PLAAT3: variants seen among roughly 807,000 people sequenced by gnomAD.
PLAAT3 encodes the protein Ca-independent phospholipase A1/2.
In PLAAT3, 21 loss-of-function variants were observed where a neutral mutation model predicts 16.7. The observed-to-expected ratio is 1.26, with a 90% CI of 0.89 to 1.81. PLAAT3 has a LOEUF of 1.81. Ranked by LOEUF, PLAAT3 falls within the 40% of genes most tolerant of loss-of-function variation. The pLI is 0.00. For synonymous variants in PLAAT3, 76 were observed against 81.7 expected (o/e 0.93, Z 0.38); for missense variants, 219 against 213.7 (o/e 1.02, Z -0.16).
At chr11:63,606,287 T>A (rs1476443479) in intron 2 of PLAAT3, among the ~76,000 whole-genome samples, 1 of 151,962 alleles carries the variant, frequency 6.6e-6, no homozygotes, top group Non-Finnish European at 1.5e-5. Flanking sequence ...AAAAGGTTTT[T>A]AAAAAAATAC....
upstream of PLAAT3, among the ~76,000 whole-genome samples, chr11:63,615,138 G>A (rs1232930416): frequency 3.6e-4 from 28 of 76,846 alleles, 2 homozygotes; most frequent in African/African-American, 1.2e-3. Context: ...ATATGTATAT[G>A]TGTATATGTG....
At chr11:63,610,849 C>T (rs1003508249) in intron 2 of PLAAT3, among the ~76,000 whole-genome samples, 2 of 152,028 alleles carry the variant, frequency 1.3e-5, no homozygotes, top group Non-Finnish European at 2.9e-5. Context: ...AAAGGCTCCC[C>T]GCCCACTCAT....
chr11:63,592,079 T>C (rs367643021), intron 3 of PLAAT3, among the ~76,000 whole-genome samples: 2 of 152,214 alleles, frequency 1.3e-5, no homozygotes, highest in South Asian at 4.1e-4. Context: ...GGTCTGGACC[T>C]GTCACTTCAC....
rs981283061 is a variant in PLAAT3, at chr11:63,598,084, T to C, written c.95A>G (p.Tyr32Cys). ...ACTTGGAGGGGCCAGATGAACCACA[T>C]ATCCATCGCCAACATAGATGGCCCA... ...RHWAIYVGDGYVVHLAPPSEV... is the reference protein window; with the variant it reads ...RHWAIYVGDGCVVHLAPPSEV... Residue 32 changes from tyrosine to cysteine, a missense_variant, in exon 3 of 5, where the codon TAT becomes TGT. By Grantham distance (194) the Tyr-to-Cys change is radical. Coordinates refer to ENST00000415826, the MANE Select transcript of PLAAT3 (RefSeq NM_001128203.2). The C allele has an allele frequency of 6.2e-7, 1 of 1,612,806 alleles. No homozygotes were observed. The highest frequency in any genetic ancestry group is 1.3e-5 in the African/African-American group (1 of 75,016).
intron 4 of PLAAT3, among the ~76,000 whole-genome samples, 187 bp downstream of exon 4, chr11:63,589,913 T>C (rs945147983): frequency 7.7e-6 from 1 of 129,044 alleles, no homozygotes; most frequent in Non-Finnish European, 1.6e-5. Flanking sequence ...ACTACACTGA[T>C]CTGCATTGCC....
intron 4 of PLAAT3, 21 bp downstream of exon 4, chr11:63,590,079 C>T (rs774970477): frequency 1.1e-5 from 17 of 1,605,402 alleles, no homozygotes; most frequent in East Asian, 2.2e-5. Flanking sequence ...CTGGGGAAGG[C>T]GACACAGGCA....
intron 2 of PLAAT3, among the ~76,000 whole-genome samples, chr11:63,599,169 A>T (rs770457267): frequency 6.6e-6 from 1 of 152,198 alleles, no homozygotes; most frequent in Non-Finnish European, 1.5e-5. Context: ...CCCTTTAATG[A>T]GCAAAGAAAT....
upstream of PLAAT3, among the ~76,000 whole-genome samples, chr11:63,615,058 A>G (rs867204189): frequency 1.7e-4 from 7 of 42,192 alleles, 1 homozygote; most frequent in Non-Finnish European, 3.1e-4. Context: ...ATATGTGTAT[A>G]TATATGTGTG....
At position 63,574,702 on chromosome 11, in the gene PLAAT3, G is replaced by C. The variant is rs749582052; in HGVS notation, c.*243C>G. The C allele has an allele frequency of 1.0e-5, 5 of 501,472 alleles. No homozygotes were observed. The highest frequency in any genetic ancestry group is 1.8e-5 in the Non-Finnish European group (5 of 278,918). 31.1% of individuals were successfully genotyped at this position (501,472 alleles called of 1,614,324 possible). On this transcript the variant is annotated 3_prime_UTR_variant, in exon 5 of 5. Transcript: ENST00000415826. ...ATGCAAAGAACACAGCACGCAAAAA[G>C]AAAGTGAAAGACAATCCCTGACCAG... is the stretch of plus-strand genomic sequence containing the variant.
chr11:63,590,650 C>T (rs943349446), intron 3 of PLAAT3, among the ~76,000 whole-genome samples: 2 of 152,170 alleles, frequency 1.3e-5, no homozygotes, highest in African/African-American at 2.4e-5. Flanking sequence ...ACTTAAGTGG[C>T]CCCCTTGGTT....
intron 2 of PLAAT3, among the ~76,000 whole-genome samples, chr11:63,600,950 G>A (rs1938411813): frequency 6.7e-6 from 1 of 148,178 alleles, no homozygotes; most frequent in Non-Finnish European, 1.5e-5. Context: ...AATTACATGT[G>A]TTTATTAAGA....
intron 2 of PLAAT3, among the ~76,000 whole-genome samples, chr11:63,607,636 T>C (rs1319044466): frequency 6.6e-6 from 1 of 151,896 alleles, no homozygotes; most frequent in African/African-American, 2.4e-5. Context: ...TTGTATGTGG[T>C]AGAGACATAA....
chr11:63,595,907 C>G (rs556343602), intron 3 of PLAAT3, among the ~76,000 whole-genome samples: 1 of 152,110 alleles, frequency 6.6e-6, no homozygotes, highest in Non-Finnish European at 1.5e-5. Flanking sequence ...TCTCTCTGCC[C>G]AAACACCTGC....
chr11:63,575,092 A>G (rs1466658795), intron 4 of PLAAT3, 46 bp from the exon 5 acceptor site: 2 of 1,291,620 alleles, frequency 1.5e-6, no homozygotes, highest in African/African-American at 2.9e-5. Context: ...CAGGATCCAG[A>G]GTACAGGCTG....
chr11:63,615,036 A>ATATATGTC (rs1938800415), upstream of PLAAT3, among the ~76,000 whole-genome samples: 3 of 23,298 alleles, frequency 1.3e-4, 1 homozygote, highest in South Asian at 0.013. Flanking sequence ...ATGTGTGTAT[A>ATATATGTC]TATATGTATA....
chr11:63,581,397 C>T lies in PLAAT3; in HGVS notation c.388-6351G>A, dbSNP rs546442519. ...TCCTGGGGGTAGGTCTATAGACGGC[C>T]GCTCTGGGAGTGTCTGTCTGATGCA... On this transcript the variant is annotated intron_variant, in intron 4 of 4. Coordinates refer to ENST00000415826, the MANE Select transcript of PLAAT3 (RefSeq NM_001128203.2). Among the ~76,000 whole-genome samples, 28 of 152,212 alleles carry T rather than the reference C, an allele frequency of 1.8e-4. 1 individual carries two copies. The highest frequency in any genetic ancestry group is 5.5e-4 in the African/African-American group (23 of 41,524).
rs141024038 is a variant in PLAAT3, at chr11:63,579,901, A to G, written c.388-4855T>C. ...AAAAAAAAAAAAAAAGAAGAAGACA[A>G]TGGAGCAATGCCTCCAAAACTCTGA... On this transcript the variant is annotated intron_variant, in intron 4 of 4. Coordinates refer to ENST00000415826, the MANE Select transcript of PLAAT3 (RefSeq NM_001128203.2). Among the ~76,000 whole-genome samples the G allele has an allele frequency of 7.4e-3, 1,122 of 151,874 alleles. 20 individuals carry two copies. The highest frequency in any genetic ancestry group is 0.025 in the African/African-American group (1,031 of 41,432).
intron 2 of PLAAT3, 46 bp downstream of exon 2, chr11:63,613,954 C>G (rs368182387): frequency 2.3e-5 from 28 of 1,218,782 alleles, no homozygotes; most frequent in Non-Finnish European, 3.2e-5. Context: ...TCCCCACTAA[C>G]AGGGGGCTCC....
chr11:63,606,480 A>G (rs1477033802), intron 2 of PLAAT3, among the ~76,000 whole-genome samples: 1 of 149,724 alleles, frequency 6.7e-6, no homozygotes, highest in Non-Finnish European at 1.5e-5. Context: ...AAATAAGTAA[A>G]TAATCTAGAA....
Sources: gnomAD v4.1 joint callset for allele counts (sites outside exome capture counted in the v4.1 genomes callset) on GRCh38, gnomAD v4.1.1 for gene constraint, MANE v1.5 for transcripts, NCBI Gene and HGNC (gene_info 2026-07-23, HGNC 2026-07-21) for gene names.